TENM4: variants seen among roughly 807,000 people sequenced by gnomAD.
TENM4 encodes teneurin-4.
A neutral mutation model predicts 243.3 loss-of-function variants in TENM4; 82 were observed. That is an observed-to-expected ratio of 0.34 (90% confidence interval 0.28 to 0.40). The LOEUF (loss-of-function observed/expected upper bound fraction) is 0.40, where lower values mean the gene tolerates loss of function less well. Ranked by LOEUF, TENM4 falls within the 10% of genes least tolerant of loss-of-function variation. The pLI is 1.00. For missense variants in TENM4, 3,138 were observed against 3,673.3 expected (o/e 0.85, Z 3.77); for synonymous variants, 1,412 against 1,456.3 (o/e 0.97, Z 0.69).
chr11:79,131,091 G>A (rs1032100721), intron 4 of TENM4, among the ~76,000 whole-genome samples: 1 of 152,202 alleles, frequency 6.6e-6, no homozygotes, highest in Non-Finnish European at 1.5e-5. Flanking sequence ...AAAACTAAAA[G>A]CTTGGAAAAC....
chr11:78,928,730 A>G (rs1313298367), intron 6 of TENM4, among the ~76,000 whole-genome samples: 1 of 152,242 alleles, frequency 6.6e-6, no homozygotes, highest in Non-Finnish European at 1.5e-5. Context: ...GGATCAAATA[A>G]CAAAATATAA....
At chr11:78,854,014 C>A (rs1364916596) in intron 12 of TENM4, 90 bp downstream of exon 12, 1 of 1,292,316 alleles carries the variant, frequency 7.7e-7, no homozygotes, top group East Asian at 2.5e-5. Flanking sequence ...CTCTGACATC[C>A]CCTTGTCAGT....
At chr11:79,274,997 T>C (rs953322991) in intron 2 of TENM4, among the ~76,000 whole-genome samples, 13 of 152,156 alleles carry the variant, frequency 8.5e-5, no homozygotes, top group African/African-American at 1.2e-4. Context: ...CACCACTTTA[T>C]CCAGAACATC....
chr11:78,805,277 T>TGCCCCCCCCCCCCCACCC lies in TENM4; in HGVS notation c.2179+14_2179+15insGGGTGGGGGGGGGGGGGC. On this transcript the variant is annotated intron_variant, in intron 15 of 33. Coordinates refer to ENST00000278550, the MANE Select transcript of TENM4 (RefSeq NM_001098816.3). ...CCCCTCCCTCTACCCATGCTTCTTC[T>TGCCCCCCCCCCCCCACCC]CCCCCTGCATTTACCGATAGAACAG... The TGCCCCCCCCCCCCCACCC allele has an allele frequency of 7.1e-7, 1 of 1,402,550 alleles. No homozygotes were observed. Among genetic ancestry groups the TGCCCCCCCCCCCCCACCC allele is most frequent in the Non-Finnish European group, 9.7e-7 (1 of 1,033,116 alleles). 86.9% of individuals were successfully genotyped at this position (1,402,550 alleles called of 1,614,324 possible). A position where few individuals can be genotyped will look rare whatever the true frequency, so the allele number is the denominator to read the frequency against.
chr11:78,814,495 A>G, intron 12 of TENM4, 100 bp from the exon 13 acceptor site: 1 of 946,012 alleles, frequency 1.1e-6, no homozygotes, highest in Non-Finnish European at 1.6e-6. Context: ...CACATATTTG[A>G]GCTCTTGTGG....
At position 78,701,770 on chromosome 11, in the gene TENM4, C is replaced by A; in HGVS notation, c.4843G>T (p.Asp1615Tyr). 6.2e-7 allele frequency: 1 copy of A among 1,613,978 alleles called. No homozygotes were observed. The highest frequency in any genetic ancestry group is 8.5e-7 in the Non-Finnish European group (1 of 1,179,884). The change falls in exon 28 of 34, where the codon GAC becomes TAC. Residue 1615 changes from aspartate to tyrosine, a missense_variant. Transcript: ENST00000278550. ...TCTGTGATGAGTGTGATGTCGCCGT[C>A]CCCAGTGTAGGTGAAGTTGTACAGG... is the stretch of plus-strand genomic sequence containing the variant. ...DYLYNFTYTG[D>Y]GDITLITDNN...
At chr11:78,894,768 G>A (rs2136305288) in intron 7 of TENM4, among the ~76,000 whole-genome samples, 1 of 152,112 alleles carries the variant, frequency 6.6e-6, no homozygotes, top group Non-Finnish European at 1.5e-5. Context: ...TGAGGCAGGT[G>A]GATGGCTTGA....
intron 12 of TENM4, among the ~76,000 whole-genome samples, chr11:78,831,384 G>T (rs1239660069): frequency 6.6e-6 from 1 of 152,218 alleles, no homozygotes; most frequent in Non-Finnish European, 1.5e-5. Flanking sequence ...GCAAATGCTT[G>T]GTCAGTTGTG....
At position 78,782,465 on chromosome 11, in the gene TENM4, C is replaced by T. The variant is rs115295347; in HGVS notation, c.2366-3837G>A. Among the ~76,000 whole-genome samples, 778 of 152,218 alleles carry T rather than the reference C, an allele frequency of 5.1e-3. 11 individuals carry two copies. Among genetic ancestry groups the T allele is most frequent in the African/African-American group, 0.018 (744 of 41,532 alleles). Reference sequence around the variant, plus strand: ...CTACAAAATTAGCCAGGTGTGGTGGCGGGCGTCTGTGATCCCGGCTACTTG... The same window carrying T: ...CTACAAAATTAGCCAGGTGTGGTGGTGGGCGTCTGTGATCCCGGCTACTTG... On this transcript the variant is annotated intron_variant, in intron 16 of 33. Coordinates refer to ENST00000278550, the MANE Select transcript of TENM4 (RefSeq NM_001098816.3).
chr11:79,023,689 G>A (rs903478867), intron 6 of TENM4, among the ~76,000 whole-genome samples: 1 of 152,136 alleles, frequency 6.6e-6, no homozygotes, highest in South Asian at 2.1e-4. Context: ...GCAGTAAAAA[G>A]CTACATAGTA....
rs1192237335 is a variant in TENM4 at position 79,438,288 on chromosome 11, T to C, written c.-321+2221A>G. Among the ~76,000 whole-genome samples the C allele has an allele frequency of 6.6e-6, 1 of 152,150 alleles. No homozygotes were observed. Among genetic ancestry groups the C allele is most frequent in the Non-Finnish European group, 1.5e-5 (1 of 68,038 alleles). On this transcript the variant is annotated intron_variant, in intron 1 of 33. Transcript: ENST00000278550. This position sits in a 1 kb window ranked among gnomAD's most constrained non-coding sequence, Gnocchi z 4.1. ...TTAAAAGCATACTCTTACTGTGGTTTCTCTATCAAAGCCCATCAACGTGAT... is the reference window on the plus strand; with the variant it reads ...TTAAAAGCATACTCTTACTGTGGTTCCTCTATCAAAGCCCATCAACGTGAT...
At chr11:79,135,184 G>A (rs1371272057) in intron 4 of TENM4, among the ~76,000 whole-genome samples, 1 of 152,020 alleles carries the variant, frequency 6.6e-6, no homozygotes, top group Non-Finnish European at 1.5e-5. Context: ...AGTGGGCTAA[G>A]GACACGAACA....
At chr11:78,917,650 A>G (rs1215484367) in intron 6 of TENM4, among the ~76,000 whole-genome samples, 1 of 152,182 alleles carries the variant, frequency 6.6e-6, no homozygotes, top group Non-Finnish European at 1.5e-5. Context: ...CAGAAATGTA[A>G]TAATAATACC....
At chr11:78,969,660 G>C (rs1857502350) in intron 6 of TENM4, among the ~76,000 whole-genome samples, 1 of 152,182 alleles carries the variant, frequency 6.6e-6, no homozygotes, top group African/African-American at 2.4e-5. Flanking sequence ...GTCTATGGTA[G>C]GAAAATTCAT....
chr11:78,807,646 C>A (rs759142663), intron 14 of TENM4, among the ~76,000 whole-genome samples: 1 of 152,076 alleles, frequency 6.6e-6, no homozygotes, highest in Non-Finnish European at 1.5e-5. Context: ...GGTAGGGATG[C>A]TATTCATTTT....
At chr11:78,991,362 T>C (rs981482767) in intron 6 of TENM4, among the ~76,000 whole-genome samples, 2 of 151,522 alleles carry the variant, frequency 1.3e-5, no homozygotes, top group African/African-American at 4.9e-5. Context: ...ATCTGAGAGG[T>C]AGGTTACTCG....
intron 3 of TENM4, among the ~76,000 whole-genome samples, chr11:79,165,805 T>C (rs1862898608): frequency 6.6e-6 from 1 of 152,206 alleles, no homozygotes. Flanking sequence ...TATCTTGTGT[T>C]GATTTTTGTA....
chr11:78,812,231 G>A lies in TENM4; in HGVS notation c.1869C>T (p.Cys623=), dbSNP rs34791547. Residue 623 remains cysteine (C), a synonymous_variant, in exon 14 of 34, where the codon TGC becomes TGT. Coordinates refer to ENST00000278550, the MANE Select transcript of TENM4 (RefSeq NM_001098816.3). ...LCHSGWKGAE[C]DVPTNQCIDV... The stretch of plus-strand genomic sequence containing the variant: ...CGATACACTGGTTGGTGGGCACATC[G>A]CACTCAGCGCCTTTCCAGCCACTGT... 8,056 of 1,551,946 alleles carry A rather than the reference G, an allele frequency of 5.2e-3. 26 individuals carry two copies. The highest frequency in any genetic ancestry group is 5.9e-3 in the Non-Finnish European group (6,785 of 1,147,148).
chr11:78,828,130 G>A (rs1472215857), intron 12 of TENM4, among the ~76,000 whole-genome samples: 1 of 152,184 alleles, frequency 6.6e-6, no homozygotes, highest in African/African-American at 2.4e-5. Flanking sequence ...GGTGTGTTCA[G>A]CCTCAAATCT....
Sources: gnomAD v4.1 joint callset for allele counts (sites outside exome capture counted in the v4.1 genomes callset) on GRCh38, gnomAD v4.1.1 for gene constraint, Gnocchi (gnomAD v3.1) non-coding constraint, MANE v1.5 for transcripts, NCBI Gene and HGNC (gene_info 2026-07-23, HGNC 2026-07-21) for gene names.